Variants in MTSS2 observed in about 807,000 individuals in gnomAD.
MTSS2 encodes protein MTSS 2.
A neutral mutation model predicts 67.1 loss-of-function variants in MTSS2; 27 were observed. The ratio of observed to expected loss-of-function variants is 0.40; its 90% CI spans 0.30 to 0.55. The LOEUF is 0.55. Among genes scored for constraint, MTSS2 ranks in the 20% least tolerant of loss-of-function variants. The pLI is 0.43. For synonymous variants in MTSS2, 624 were observed against 468.6 expected, an observed-to-expected ratio of 1.33 and a Z score of -4.28; for missense variants, 1,171 against 1,067.8, an observed-to-expected ratio of 1.10 and a Z score of -1.35.
chr16:70,665,564 G>A lies in MTSS2; in HGVS notation c.1054-24C>T, dbSNP rs370764191. On this transcript the variant is annotated intron_variant, in intron 11 of 14. Transcript: ENST00000338779. ...TTCTGCCATGCAGAGGCCAGCAGGC[G>A]GTTGCAGACAGAGGGGCCGGCAGGC... 5.4e-5 allele frequency: 83 copies of A among 1,540,430 alleles called. No homozygotes were observed. In the African/African-American group the frequency reaches 5.8e-4, roughly 11 times the overall value.
intron 11 of MTSS2, among the ~76,000 whole-genome samples, chr16:70,672,867 G>C (rs909733336): frequency 1.3e-5 from 2 of 152,012 alleles, no homozygotes; most frequent in Admixed American, 1.3e-4. Flanking sequence ...TGGAAGTAAA[G>C]AGATAATGAC....
intron 11 of MTSS2, among the ~76,000 whole-genome samples, chr16:70,667,644 G>A (rs1248057840): frequency 2.6e-5 from 4 of 152,142 alleles, no homozygotes; most frequent in South Asian, 2.1e-4. Context: ...AGGCCAAGAC[G>A]GGAGGATCAC....
rs3833972 is a variant in MTSS2 at position 70,663,024 on chromosome 16, A to ACC, written c.*651_*652dup. ...TGGGAGCCACCACAGGGCCCCCAAG[A>ACC]CCCCCCCCCCCAAGCAGCCCCTGGT... On this transcript the variant is annotated 3_prime_UTR_variant, in exon 15 of 15. Transcript: ENST00000338779. The ACC allele has an allele frequency of 0.013, 1,682 of 125,258 alleles. 33 individuals carry two copies. Among genetic ancestry groups the ACC allele is most frequent in the Middle Eastern group, 0.055 (13 of 236 alleles). The allele number at this position is 125,258 out of a possible 1,614,324, so 7.8% of individuals were successfully genotyped here.
Position 70,663,139 on chromosome 16 carries a change from AG to A in MTSS2, c.*537del, listed in dbSNP as rs2052554683. 6.6e-6 allele frequency: 1 copy of A among 151,028 alleles called. No individual in the cohort carries two copies. Among genetic ancestry groups the A allele is most frequent in the African/African-American group, 2.5e-5 (1 of 40,810 alleles). The allele number at this position is 151,028 out of a possible 1,614,324, so 9.4% of individuals were successfully genotyped here. ...ACTCCAACCTGCCGCCCTGGCCCCCAGCCCCCAGCAGACATCCAGCCCAGCG... is the reference window on the plus strand; with the variant it reads ...ACTCCAACCTGCCGCCCTGGCCCCCACCCCCAGCAGACATCCAGCCCAGCG... On this transcript the variant is annotated 3_prime_UTR_variant, in exon 15 of 15. Transcript: ENST00000338779.
intron 11 of MTSS2, among the ~76,000 whole-genome samples, chr16:70,667,730 C>T (rs572424208): frequency 5.3e-5 from 8 of 151,932 alleles, no homozygotes; most frequent in East Asian, 3.9e-4. Flanking sequence ...AAAATTAGCC[C>T]GGCGTGGTGG....
At position 70,680,490 on chromosome 16, in the gene MTSS2, A is replaced by G. The variant is rs78937371; in HGVS notation, c.205+304T>C. 7.9e-3 allele frequency among the ~76,000 whole-genome samples: 1,197 copies of G among 152,268 alleles called. 10 individuals carry two copies. Among genetic ancestry groups the G allele is most frequent in the Non-Finnish European group, 0.012 (836 of 68,002 alleles). ...CCTGACCCTGCGTGCTCTTAGAAGG[A>G]CACGAGGGCATGAGTGGGAAGAAGC... On this transcript the variant is annotated intron_variant, in intron 3 of 14. Coordinates refer to ENST00000338779, the MANE Select transcript of MTSS2 (RefSeq NM_138383.3).
chr16:70,684,207 G>T (rs887053068), intron 1 of MTSS2, among the ~76,000 whole-genome samples: 2 of 152,062 alleles, frequency 1.3e-5, no homozygotes, highest in Non-Finnish European at 2.9e-5. Context: ...GCCAGCTCTG[G>T]GATCGGCCAG....
chr16:70,667,827 C>G (rs551502592), intron 11 of MTSS2, among the ~76,000 whole-genome samples: 7 of 151,998 alleles, frequency 4.6e-5, no homozygotes, highest in East Asian at 1.9e-4. Context: ...GAGCTGAGAT[C>G]GCGCCACTGC....
chr16:70,683,702 G>T (rs1335289086), intron 1 of MTSS2, among the ~76,000 whole-genome samples: 3 of 152,208 alleles, frequency 2.0e-5, no homozygotes, highest in African/African-American at 7.2e-5. Context: ...GGCTTCTGTG[G>T]GGCCTGTGGA....
At chr16:70,667,629 T>G (rs915000061) in intron 11 of MTSS2, among the ~76,000 whole-genome samples, 3 of 152,154 alleles carry the variant, frequency 2.0e-5, no homozygotes, top group African/African-American at 7.2e-5. Context: ...TCCCAGCACT[T>G]TGGGAGGCCA....
rs1450419605 is a variant in MTSS2 at position 70,662,926 on chromosome 16, C to G, written c.*751G>C. On this transcript the variant is annotated 3_prime_UTR_variant, in exon 15 of 15. Transcript: ENST00000338779. ...ACCCCAGGGCCTCCGGCCTCCTAAC[C>G]CTGCTGCCCTAGTTTCCAAAGAGCT... 6.6e-6 allele frequency: 1 copy of G among 152,452 alleles called. No homozygotes were observed. Among genetic ancestry groups the G allele is most frequent in the African/African-American group, 2.4e-5 (1 of 41,476 alleles). The allele number at this position is 152,452 out of a possible 1,614,324, so 9.4% of individuals were successfully genotyped here.
At position 70,663,865 on chromosome 16, in the gene MTSS2, G is replaced by A. The variant is rs1223648373; in HGVS notation, c.2056C>T (p.His686Tyr). The change falls in exon 15 of 15, where the codon CAC becomes TAC. Residue 686 changes from histidine to tyrosine, a missense_variant. By Grantham distance (83) the His-to-Tyr change is moderately conservative. This residue lies in a region of MTSS2 where 924 missense variants were observed against 756.0 expected (regional missense o/e 1.22). Coordinates refer to ENST00000338779, the MANE Select transcript of MTSS2 (RefSeq NM_138383.3). ...EKLGELVAGA[H>Y]ALGEGQFPFP... ...GGGAACTGGCCCTCACCCAGTGCGT[G>A]GGCACCCGCCACCAGCTCCCCCAGC... The A allele has an allele frequency of 2.6e-6, 4 of 1,543,106 alleles. No individual in the cohort carries two copies. The highest frequency in any genetic ancestry group is 3.5e-6 in the Non-Finnish European group (4 of 1,146,756).
rs749000410 is a variant in MTSS2, at chr16:70,665,472, G to A, written c.1122C>T (p.Pro374=). Residue 374 remains proline, a synonymous_variant, in exon 12 of 15, where the codon CCC becomes CCT. Transcript: ENST00000338779. ...TCQSVSECSS[P]TSDWSKVGSH... is the part of the protein sequence containing the mutation. ...CCGGGCTGGGAGCACTGACCGAGGT[G>A]GGGGAGCTGCACTCGCTAACGGACT... The A allele has an allele frequency of 3.9e-6, 6 of 1,555,004 alleles. No individual in the cohort carries two copies. The South Asian group carries it at 4.7e-5, about 12-fold the overall frequency.
At position 70,665,000 on chromosome 16, in the gene MTSS2, G is replaced by A. The variant is rs1242466211; in HGVS notation, c.1225C>T (p.Pro409Ser). The change falls in exon 13 of 15, where the codon CCT becomes TCT. Residue 409 changes from proline (P) to serine (S), a missense_variant. Physicochemically the swap from Pro to Ser is moderately conservative, Grantham distance 74 (BLOSUM62 -1). Transcript: ENST00000338779. ...VELLRDTEPG[P>S]ASGGTLGPSG... ...GGGCCCAGGGTGCCCCCACTGGCAG[G>A]GCCTGGCTCTGTGTCTCGCAGGAGC... The A allele has an allele frequency of 1.9e-6, 3 of 1,592,902 alleles. No homozygotes were observed. Among genetic ancestry groups the A allele is most frequent in the East Asian group, 4.5e-5 (2 of 44,648 alleles).
chr16:70,681,167 G>T, intron 1 of MTSS2, 142 bp from the exon 2 acceptor site: 2 of 744,740 alleles, frequency 2.7e-6, no homozygotes, highest in Non-Finnish European at 4.3e-6. Context: ...GGAGGCTCTG[G>T]GTCCTCTCGG....
chr16:70,677,935 C>T (rs780814209), intron 8 of MTSS2, 36 bp from the exon 9 acceptor site: 36 of 1,467,684 alleles, frequency 2.5e-5, no homozygotes, highest in African/African-American at 4.2e-5. Flanking sequence ...CTGGCCCTAT[C>T]GCCCACCTGC....
At position 70,685,937 on chromosome 16, in the gene MTSS2, C is replaced by A; in HGVS notation, c.-146G>T. 4.4e-6 allele frequency: 1 copy of A among 226,464 alleles called. No homozygotes were observed. The highest frequency in any genetic ancestry group is 1.5e-4 in the South Asian group (1 of 6,530). The allele number at this position is 226,464 out of a possible 1,614,324, so 14.0% of individuals were successfully genotyped here. On this transcript the variant is annotated 5_prime_UTR_variant, in exon 1 of 15. Coordinates refer to ENST00000338779, the MANE Select transcript of MTSS2 (RefSeq NM_138383.3). ...GGCTGCGCTCAGCGGCCGGCCGCGC[C>A]GCGCTCCGGGGTCGCGGGCCTCCGG...
chr16:70,668,139 G>A (rs555553046), intron 11 of MTSS2, among the ~76,000 whole-genome samples: 23 of 152,052 alleles, frequency 1.5e-4, no homozygotes, highest in Admixed American at 2.6e-4. Context: ...CTGGCTGGGT[G>A]CAGTGGCTAA....
rs1418460383 is a variant in MTSS2 at position 70,679,306 on chromosome 16, T to A, written c.466+9A>T. 5 of 1,613,906 alleles carry A rather than the reference T, an allele frequency of 3.1e-6. No individual in the cohort carries two copies. The highest frequency in any genetic ancestry group is 4.2e-6 in the Non-Finnish European group (5 of 1,179,886). On this transcript the variant is annotated intron_variant, in intron 7 of 14. Coordinates refer to ENST00000338779, the MANE Select transcript of MTSS2 (RefSeq NM_138383.3). ...GAGGAGCAGCTGGAGGGACCGACAT[T>A]TGACTTACCAAGTAGCTCTACAGGA...
Sources: gnomAD v4.1 joint callset for allele counts (sites outside exome capture counted in the v4.1 genomes callset) on GRCh38, gnomAD v4.1.1 for gene constraint, gnomAD v4.1.1 regional missense constraint, MANE v1.5 for transcripts, NCBI Gene and HGNC (gene_info 2026-07-23, HGNC 2026-07-21) for gene names.